SBF2: variants seen among roughly 807,000 people sequenced by gnomAD.
SBF2 encodes myotubularin-related protein 13.
Under a neutral mutation model 225.2 loss-of-function variants are expected in SBF2, and 112 were observed. The observed-to-expected ratio is 0.50, with a 90% CI of 0.43 to 0.58. The LOEUF (loss-of-function observed/expected upper bound fraction) is 0.58. SBF2 is among the 20% of genes least tolerant of loss of function. SBF2 has a pLI of 0.00. For missense variants in SBF2, 1,996 were observed against 2,206.2 expected (o/e 0.90, Z 1.91); for synonymous variants, 763 against 773.3 (o/e 0.99, Z 0.22).
At chr11:10,019,517 A>G (rs2403267) in intron 6 of SBF2, among the ~76,000 whole-genome samples, 27,339 of 152,134 alleles carry the variant, frequency 0.18, 2,623 homozygotes, top group East Asian at 0.28. Context: ...TTTGCAAACT[A>G]TGTTTTTATG....
chr11:9,849,219 G>C (rs1488170600), intron 22 of SBF2, among the ~76,000 whole-genome samples: 2 of 151,590 alleles, frequency 1.3e-5, no homozygotes, highest in Non-Finnish European at 2.9e-5. Context: ...CAAATATACA[G>C]CCAACATTAA....
intron 1 of SBF2, among the ~76,000 whole-genome samples, chr11:10,224,664 C>A (rs913607719): frequency 2.6e-5 from 4 of 152,138 alleles, no homozygotes; most frequent in Non-Finnish European, 5.9e-5. Context: ...CCCCTTTCTG[C>A]ATACATGGCT....
chr11:10,067,118 T>A (rs1424589096), intron 2 of SBF2, among the ~76,000 whole-genome samples: 1 of 151,984 alleles, frequency 6.6e-6, no homozygotes, highest in Non-Finnish European at 1.5e-5. Flanking sequence ...ACTCTGTTTT[T>A]TTTAAAATGA....
chr11:10,153,216 T>G (rs1955303647), intron 2 of SBF2, among the ~76,000 whole-genome samples: 1 of 152,112 alleles, frequency 6.6e-6, no homozygotes, highest in Admixed American at 6.5e-5. Flanking sequence ...GATAAGAAAT[T>G]TTTATAATTA....
intron 16 of SBF2, among the ~76,000 whole-genome samples, chr11:9,928,370 A>G (rs1864220317): frequency 6.6e-6 from 1 of 152,224 alleles, no homozygotes; most frequent in Non-Finnish European, 1.5e-5. Flanking sequence ...ATCAGTCATT[A>G]GGAAAGTGCA....
At chr11:10,274,017 G>A (rs977575309) in intron 1 of SBF2, among the ~76,000 whole-genome samples, 7 of 152,232 alleles carry the variant, frequency 4.6e-5, no homozygotes, top group Non-Finnish European at 7.3e-5. Context: ...TGACTTAAAA[G>A]TTATTCTCTG....
At chr11:10,133,112 C>A (rs1305712064) in intron 2 of SBF2, among the ~76,000 whole-genome samples, 1 of 149,174 alleles carries the variant, frequency 6.7e-6, no homozygotes. Context: ...CAGCTAGATA[C>A]AGAGTGTCGA....
chr11:10,232,848 T>C (rs945657610), intron 1 of SBF2, among the ~76,000 whole-genome samples: 3 of 152,232 alleles, frequency 2.0e-5, no homozygotes, highest in Non-Finnish European at 2.9e-5. Context: ...CTAAATTCTG[T>C]TACTTCTATA....
At chr11:10,002,794 C>T in intron 6 of SBF2, 105 bp from the exon 7 acceptor site, 1 of 1,041,180 alleles carries the variant, frequency 9.6e-7, no homozygotes, top group South Asian at 1.3e-5. Flanking sequence ...ATTTTGGACT[C>T]TCTGAAGGAA....
intron 2 of SBF2, among the ~76,000 whole-genome samples, chr11:10,166,820 G>A (rs891149420): frequency 6.6e-6 from 1 of 152,058 alleles, no homozygotes; most frequent in African/African-American, 2.4e-5. Context: ...AAATAAGCCA[G>A]GTATAGTGGC....
intron 7 of SBF2, 89 bp downstream of exon 7, chr11:10,002,468 C>CA: frequency 9.1e-7 from 1 of 1,095,430 alleles, no homozygotes; most frequent in Non-Finnish European, 1.4e-6. Flanking sequence ...CTATGTGGTT[C>CA]AAAACCATTG....
rs1555111295 is a variant in SBF2 at position 10,292,698 on chromosome 11, A to AT, written c.55+1316dup. Reference sequence around the variant, plus strand: ...CGTCTCAAAAAAAAAAAAAAAAAAAATTGTTTAAAAGTGGGGAGGGGGGGA... The same window carrying AT: ...CGTCTCAAAAAAAAAAAAAAAAAAAATTTGTTTAAAAGTGGGGAGGGGGGGA... On this transcript the variant is annotated intron_variant, in intron 1 of 39. Transcript: ENST00000256190. Among the ~76,000 whole-genome samples the AT allele has an allele frequency of 8.9e-4, 122 of 137,132 alleles. 1 individual carries two copies. Among genetic ancestry groups the AT allele is most frequent in the African/African-American group, 3.1e-3 (117 of 37,486 alleles). 90.0% of individuals were successfully genotyped at this position (137,132 alleles called of 152,430 possible). A position where few individuals can be genotyped will look rare whatever the true frequency, so the allele number is the denominator to read the frequency against.
intron 25 of SBF2, among the ~76,000 whole-genome samples, 171 bp from the exon 26 acceptor site, chr11:9,839,867 G>T (rs187784026): frequency 4.1e-4 from 62 of 152,212 alleles, no homozygotes; most frequent in African/African-American, 1.5e-3. Flanking sequence ...TACCTGTGGG[G>T]AGCTCACTCT....
chr11:10,274,750 C>CA (rs200010291), intron 1 of SBF2, among the ~76,000 whole-genome samples: 315 of 104,858 alleles, frequency 3.0e-3, no homozygotes, highest in South Asian at 7.0e-3. Flanking sequence ...GACTCCATCT[C>CA]AAAAAAAAAA....
At chr11:10,038,582 T>C (rs1949535136) in intron 3 of SBF2, among the ~76,000 whole-genome samples, 1 of 151,954 alleles carries the variant, frequency 6.6e-6, no homozygotes. Flanking sequence ...TAGCATATGA[T>C]ACTTTGGAAT....
chr11:9,810,259 G>A (rs1441369837), intron 30 of SBF2: 1 of 152,190 alleles, frequency 6.6e-6, no homozygotes, highest in Non-Finnish European at 1.5e-5. Flanking sequence ...CTGGGTGACA[G>A]AGCAAGACCC....
chr11:10,290,945 G>T (rs1964122028), intron 1 of SBF2, among the ~76,000 whole-genome samples: 1 of 152,028 alleles, frequency 6.6e-6, no homozygotes, highest in East Asian at 1.9e-4. Context: ...AAGGAACCAG[G>T]GATCCCTAAA....
chr11:10,127,339 A>G (rs1200826458), intron 2 of SBF2, among the ~76,000 whole-genome samples: 1 of 152,038 alleles, frequency 6.6e-6, no homozygotes, highest in Non-Finnish European at 1.5e-5. Context: ...TGGCTCTCTC[A>G]AAAGAAAGTT....
intron 1 of SBF2, among the ~76,000 whole-genome samples, chr11:10,300,000 C>A (rs1258106258): frequency 6.6e-6 from 1 of 152,056 alleles, no homozygotes; most frequent in Admixed American, 6.6e-5. Context: ...GGCCTCTTTT[C>A]TCTATCATTC....
Sources: gnomAD v4.1 joint callset for allele counts (sites outside exome capture counted in the v4.1 genomes callset) on GRCh38, gnomAD v4.1.1 for gene constraint, MANE v1.5 for transcripts, NCBI Gene and HGNC (gene_info 2026-07-23, HGNC 2026-07-21) for gene names.